RNF125: variants seen among roughly 807,000 people sequenced by gnomAD.
RNF125 encodes the protein E3 ubiquitin-protein ligase RNF125.
A neutral mutation model predicts 26.0 loss-of-function variants in RNF125; 21 were observed. The ratio of observed to expected loss-of-function variants is 0.81; its 90% confidence interval spans 0.57 to 1.16. The LOEUF is 1.16. Ranked by LOEUF, RNF125 falls within the 50% of genes most tolerant of loss-of-function variation. RNF125 has a pLI of 0.00. For missense variants in RNF125, 270 were observed against 299.4 expected (o/e 0.90, Z 0.72); for synonymous variants, 95 against 109.2 (o/e 0.87, Z 0.81).
intron 1 of RNF125, among the ~76,000 whole-genome samples, chr18:32,028,588 T>C (rs1371668312): frequency 0.12 from 1,841 of 15,036 alleles, 36 homozygotes; most frequent in African/African-American, 0.36. Flanking sequence ...TTTGTTTCCT[T>C]TTTTTTTTTT....
In RNF125 at chr18:32,018,942, G is replaced by A. The variant is rs552716355; in HGVS notation, c.79G>A (p.Asp27Asn). Residue 27 changes from aspartate (D) to asparagine (N), a missense_variant, in exon 1 of 6, where the codon GAC becomes AAC. Transcript: ENST00000217740. ...ATARALERRR[D>N]PELPVTSFDC... ...CGCGCGGGCCCTGGAGCGCAGGAGG[G>A]ACCCGGAGTTGCCCGTCACGTCCTT... The A allele has an allele frequency of 4.0e-5, 65 of 1,613,500 alleles. 2 individuals carry two copies. The South Asian group carries it at 6.0e-4, about 15-fold the overall frequency.
At chr18:32,049,053 C>A (rs1276736601) in intron 4 of RNF125, among the ~76,000 whole-genome samples, 1 of 152,204 alleles carries the variant, frequency 6.6e-6, no homozygotes, top group Non-Finnish European at 1.5e-5. Flanking sequence ...ATCTAAGCAG[C>A]AATCTGGGGC....
At chr18:32,075,356 G>A (rs1488232066), downstream of RNF125, among the ~76,000 whole-genome samples, 6 of 152,050 alleles carry the variant, frequency 3.9e-5, no homozygotes, top group Admixed American at 2.0e-4. Context: ...TCAGGAGTTC[G>A]AGACCAGCCT....
intron 4 of RNF125, among the ~76,000 whole-genome samples, chr18:32,061,991 T>G (rs2039439557): frequency 6.6e-6 from 1 of 152,240 alleles, no homozygotes; most frequent in African/African-American, 2.4e-5. Context: ...GGTAGTTTCT[T>G]CCCTCAGGGA....
the RNF125 span, among the ~76,000 whole-genome samples, chr18:32,090,366 G>A: frequency 3.3e-5 from 5 of 152,306 alleles, no homozygotes; most frequent in African/African-American, 1.2e-4. Context: ...TGCCCCTCTC[G>A]TCACGTGCTC....
At chr18:32,026,211 C>T (rs568948446) in intron 1 of RNF125, among the ~76,000 whole-genome samples, 5 of 147,984 alleles carry the variant, frequency 3.4e-5, no homozygotes, top group Non-Finnish European at 7.4e-5. Flanking sequence ...AATATGCAAG[C>T]AGCAAACATT....
intron 1 of RNF125, among the ~76,000 whole-genome samples, chr18:32,026,341 C>T (rs55711517): frequency 0.052 from 7,818 of 150,288 alleles, 309 homozygotes; most frequent in East Asian, 0.22. Context: ...CTCTGCCTCC[C>T]GGGTTCAAGC....
Position 32,068,600 on chromosome 18 carries a change from C to CA in RNF125, c.*224dup, listed in dbSNP as rs371336071. On this transcript the variant is annotated 3_prime_UTR_variant, in exon 6 of 6. Transcript: ENST00000217740. Reference sequence around the variant, plus strand: ...CTTGAGATTCTTACACATCTAACAACAAAAAAAATTATCTACATCAGTCAT... The same window carrying CA: ...CTTGAGATTCTTACACATCTAACAACAAAAAAAAATTATCTACATCAGTCAT... 5.9e-5 allele frequency: 25 copies of CA among 422,978 alleles called. No individual in the cohort carries two copies. Among genetic ancestry groups the CA allele is most frequent in the East Asian group, 1.2e-4 (3 of 24,586 alleles). The allele number at this position is 422,978 out of a possible 1,614,324, so 26.2% of individuals were successfully genotyped here.
the RNF125 span, among the ~76,000 whole-genome samples, chr18:32,089,155 C>T: frequency 6.6e-6 from 1 of 152,202 alleles, no homozygotes; most frequent in African/African-American, 2.4e-5. Flanking sequence ...CTTGGCCCAG[C>T]TGAGAGACAG....
intron 1 of RNF125, among the ~76,000 whole-genome samples, chr18:32,025,652 G>A (rs1329938765): frequency 9.2e-6 from 1 of 109,164 alleles, no homozygotes; most frequent in African/African-American, 3.7e-5. Flanking sequence ...TGACAAGAGT[G>A]AAACTCTGTC....
At chr18:32,053,134 A>T (rs2039344834) in intron 4 of RNF125, among the ~76,000 whole-genome samples, 2 of 152,210 alleles carry the variant, frequency 1.3e-5, no homozygotes, top group Non-Finnish European at 2.9e-5. Flanking sequence ...AGGCCGAGGC[A>T]GGGAGATCAC....
At chr18:32,045,582 A>C in intron 3 of RNF125, 60 bp from the exon 4 acceptor site, 1 of 1,161,916 alleles carries the variant, frequency 8.6e-7, no homozygotes, top group Admixed American at 2.2e-5. Flanking sequence ...AGAAAAAAAA[A>C]GTGACTACTA....
rs2038957181 is a variant in RNF125 at position 32,018,914 on chromosome 18, C to T, written c.51C>T (p.Ala17=). Residue 17 remains alanine (A), a synonymous_variant, in exon 1 of 6, where the codon GCC becomes GCT. Coordinates refer to ENST00000217740, the MANE Select transcript of RNF125 (RefSeq NM_017831.4). Reference sequence around the variant, plus strand: ...GCGGCAAATCGGCGCCCGCCTCTGCCACCGCGCGGGCCCTGGAGCGCAGGA... The same window carrying T: ...GCGGCAAATCGGCGCCCGCCTCTGCTACCGCGCGGGCCCTGGAGCGCAGGA... ...TDSGKSAPAS[A]TARALERRRD... 2 of 1,608,462 alleles carry T rather than the reference C, an allele frequency of 1.2e-6. No homozygotes were observed. Among genetic ancestry groups the T allele is most frequent in the Admixed American group, 1.7e-5 (1 of 59,016 alleles).
At chr18:32,061,375 C>A (rs529696139) in intron 4 of RNF125, among the ~76,000 whole-genome samples, 2 of 152,264 alleles carry the variant, frequency 1.3e-5, no homozygotes, top group East Asian at 3.9e-4. Flanking sequence ...CTAATCAGCT[C>A]CTTATTGGTA....
intron 1 of RNF125, among the ~76,000 whole-genome samples, chr18:32,026,156 C>T (rs1302715310): frequency 6.6e-6 from 1 of 150,662 alleles, no homozygotes; most frequent in African/African-American, 2.4e-5. Context: ...CCTCCGCCTC[C>T]TGGGTTCAAG....
rs796828237 is a variant in RNF125, at chr18:32,037,364, CTTTTTTTTTTTTTTT to C, written c.318+106_318+120del. 1.9e-4 allele frequency: 25 copies of C among 132,874 alleles called. No individual in the cohort carries two copies. In the Admixed American group the frequency reaches 2.7e-3, roughly 14 times the overall value. The allele number at this position is 132,874 out of a possible 1,614,324, so 8.2% of individuals were successfully genotyped here. A position where few individuals can be genotyped will look rare whatever the true frequency, so the allele number is the denominator to read the frequency against. On this transcript the variant is annotated intron_variant, in intron 2 of 5. Coordinates refer to ENST00000217740, the MANE Select transcript of RNF125 (RefSeq NM_017831.4). The stretch of plus-strand genomic sequence containing the variant: ...CTGCTTCTGACCCCATGGTACGCAC[CTTTTTTTTTTTTTTT>C]TTTTTTTTTTGAGACAGGTTCTCGC...
the RNF125 span, among the ~76,000 whole-genome samples, chr18:32,089,652 A>G: frequency 5.9e-5 from 9 of 152,196 alleles, no homozygotes; most frequent in Admixed American, 5.9e-4. Context: ...TAACTTTCCA[A>G]GGGTATCTAT....
chr18:32,025,679 A>T (rs1413754796), intron 1 of RNF125, among the ~76,000 whole-genome samples: 1 of 136,136 alleles, frequency 7.3e-6, no homozygotes, highest in African/African-American at 3.0e-5. Flanking sequence ...AAAAAAAAAA[A>T]AAAAAAAAAG....
At chr18:32,026,865 G>A (rs2039041691) in intron 1 of RNF125, among the ~76,000 whole-genome samples, 1 of 152,188 alleles carries the variant, frequency 6.6e-6, no homozygotes, top group South Asian at 2.1e-4. Context: ...GGGAGCAAAA[G>A]TTGCAACCCT....
Sources: gnomAD v4.1 joint callset for allele counts (sites outside exome capture counted in the v4.1 genomes callset) on GRCh38, gnomAD v4.1.1 for gene constraint, MANE v1.5 for transcripts, NCBI Gene and HGNC (gene_info 2026-07-23, HGNC 2026-07-21) for gene names.